The following HS3ST5 variants were observed in gnomAD, a reference collection of about 807,000 sequenced individuals.
HS3ST5 encodes heparan sulfate glucosamine 3-O-sulfotransferase 5.
HS3ST5 carries 10 observed loss-of-function variants against 25.4 expected under a neutral mutation model. The observed-to-expected ratio is 0.39, with a 90% CI of 0.24 to 0.67. HS3ST5 has a LOEUF of 0.67. HS3ST5 is among the 30% of genes least tolerant of loss of function. HS3ST5 has a pLI of 0.44. For missense variants in HS3ST5, 324 were observed against 420.7 expected (o/e 0.77, Z 2.01); for synonymous variants, 170 against 162.4 (o/e 1.05, Z -0.36).
At chr6:114,072,296 GA>G (rs145044165) in intron 3 of HS3ST5, among the ~76,000 whole-genome samples, 19,063 of 149,030 alleles carry the variant, frequency 0.13, 1,259 homozygotes, top group Middle Eastern at 0.21. Context: ...TTTTAAGAAA[GA>G]AAAAAAAAAT....
intron 1 of HS3ST5, among the ~76,000 whole-genome samples, chr6:114,256,261 G>A (rs539372208): frequency 3.9e-5 from 6 of 151,946 alleles, no homozygotes; most frequent in Non-Finnish European, 7.4e-5. Context: ...GGTGGTGGGC[G>A]CCTGTAGTCC....
At chr6:114,192,347 C>T (rs1780543045) in intron 2 of HS3ST5, among the ~76,000 whole-genome samples, 1 of 152,096 alleles carries the variant, frequency 6.6e-6, no homozygotes, top group Non-Finnish European at 1.5e-5. Flanking sequence ...ATATAGATAC[C>T]TATCATCCCA....
At chr6:114,166,115 G>C (rs1779198781) in intron 3 of HS3ST5, among the ~76,000 whole-genome samples, 1 of 152,032 alleles carries the variant, frequency 6.6e-6, no homozygotes, top group Non-Finnish European at 1.5e-5. Context: ...CCCTACTCTT[G>C]GTCATCTTTC....
intron 1 of HS3ST5, among the ~76,000 whole-genome samples, chr6:114,321,053 C>T (rs898616550): frequency 1.3e-5 from 2 of 151,796 alleles, no homozygotes; most frequent in Non-Finnish European, 2.9e-5. Context: ...CATGAACAGG[C>T]ATATTTCTGG....
chr6:114,112,853 C>A lies in HS3ST5; in HGVS notation c.-32-49976G>T, dbSNP rs144627714. Reference sequence around the variant, plus strand: ...AATAATTGGAAAATACCACATGTTCCTGCCATTTTCCTAATGTTTCTATTG... The same window carrying A: ...AATAATTGGAAAATACCACATGTTCATGCCATTTTCCTAATGTTTCTATTG... On this transcript the variant is annotated intron_variant, in intron 3 of 4. Coordinates refer to ENST00000312719, the MANE Select transcript of HS3ST5 (RefSeq NM_153612.4). Among the ~76,000 whole-genome samples, 309 of 152,246 alleles carry A rather than the reference C, an allele frequency of 2.0e-3. 2 individuals carry two copies. The highest frequency in any genetic ancestry group is 7.2e-3 in the African/African-American group (299 of 41,530).
At chr6:114,318,392 C>A (rs997284164) in intron 1 of HS3ST5, among the ~76,000 whole-genome samples, 4 of 151,874 alleles carry the variant, frequency 2.6e-5, no homozygotes, top group Admixed American at 6.6e-5. Context: ...CTATTTTTTT[C>A]TCCTCCTCTC....
At chr6:114,133,980 G>A (rs1777471871) in intron 3 of HS3ST5, among the ~76,000 whole-genome samples, 1 of 152,116 alleles carries the variant, frequency 6.6e-6, no homozygotes. Context: ...ATGAGAGAGA[G>A]AGAGAGACAG....
intron 2 of HS3ST5, among the ~76,000 whole-genome samples, chr6:114,198,415 G>A (rs1237038153): frequency 3.3e-5 from 5 of 152,072 alleles, no homozygotes; most frequent in African/African-American, 1.2e-4. Flanking sequence ...GGTCAACATA[G>A]AAATACAAGA....
intron 1 of HS3ST5, among the ~76,000 whole-genome samples, chr6:114,239,350 C>G (rs1771998001): frequency 6.6e-6 from 1 of 152,182 alleles, no homozygotes; most frequent in South Asian, 2.1e-4. Context: ...ATCCATCACC[C>G]TGATATGAGC....
chr6:114,183,614 T>C (rs114296447), intron 2 of HS3ST5, among the ~76,000 whole-genome samples: 143 of 152,258 alleles, frequency 9.4e-4, no homozygotes, highest in African/African-American at 3.4e-3. Context: ...TGAAGTGCTA[T>C]TGTAACAAAC....
chr6:114,216,977 A>G lies in HS3ST5; in HGVS notation c.-145+11608T>C, dbSNP rs141381978. On this transcript the variant is annotated intron_variant, in intron 2 of 4. Coordinates refer to ENST00000312719, the MANE Select transcript of HS3ST5 (RefSeq NM_153612.4). ...TTTTCATAAAGCTCTTCTCATGATTATGAGCTGACGGACAGCTGTCCAGTG... is the reference window on the plus strand; with the variant it reads ...TTTTCATAAAGCTCTTCTCATGATTGTGAGCTGACGGACAGCTGTCCAGTG... 1.8e-4 allele frequency among the ~76,000 whole-genome samples: 28 copies of G among 152,288 alleles called. No individual in the cohort carries two copies. In the East Asian group the frequency reaches 4.0e-3, roughly 22 times the overall value.
intron 1 of HS3ST5, among the ~76,000 whole-genome samples, chr6:114,327,236 G>T (rs1252667266): frequency 6.6e-6 from 1 of 152,150 alleles, no homozygotes; most frequent in African/African-American, 2.4e-5. Flanking sequence ...ATAGTGATAA[G>T]TATTAAACTA....
At chr6:114,323,647 C>T (rs994117998) in intron 1 of HS3ST5, among the ~76,000 whole-genome samples, 5 of 152,052 alleles carry the variant, frequency 3.3e-5, no homozygotes, top group Non-Finnish European at 5.9e-5. Flanking sequence ...ACATATAATG[C>T]ATGTTACGGG....
In HS3ST5 at chr6:114,248,878, A is replaced by G. The variant is rs529151340; in HGVS notation, c.-338-20100T>C. 3.9e-5 allele frequency among the ~76,000 whole-genome samples: 6 copies of G among 152,368 alleles called. No homozygotes were observed. The East Asian group carries it at 1.2e-3, about 29-fold the overall frequency. ...GTTAACACAGCAGTGAGCAAAAGCA[A>G]GGATTGCCTATAGTATCATATTATT... is the stretch of plus-strand genomic sequence containing the variant. On this transcript the variant is annotated intron_variant, in intron 1 of 4. Transcript: ENST00000312719.
At chr6:114,214,524 A>G (rs77850704) in intron 2 of HS3ST5, among the ~76,000 whole-genome samples, 6,086 of 152,296 alleles carry the variant, frequency 0.04, 334 homozygotes, top group African/African-American at 0.13. Flanking sequence ...TAAGATTTGT[A>G]ACTGAGACAC....
intron 1 of HS3ST5, among the ~76,000 whole-genome samples, chr6:114,240,318 A>G (rs1442383324): frequency 6.6e-6 from 1 of 152,078 alleles, no homozygotes. Context: ...TTCATAAAGC[A>G]CTGGTTTGGC....
chr6:114,141,679 T>G (rs940938362), intron 3 of HS3ST5, among the ~76,000 whole-genome samples: 2 of 152,138 alleles, frequency 1.3e-5, no homozygotes, highest in Non-Finnish European at 2.9e-5. Flanking sequence ...CAATACCAAA[T>G]GCATGAAACT....
intron 1 of HS3ST5, among the ~76,000 whole-genome samples, chr6:114,276,162 C>G (rs1166752960): frequency 6.6e-6 from 1 of 151,150 alleles, no homozygotes; most frequent in African/African-American, 2.4e-5. Flanking sequence ...ATTGGAAACC[C>G]TTTACTATGC....
intron 2 of HS3ST5, among the ~76,000 whole-genome samples, chr6:114,205,856 A>T (rs1227311890): frequency 6.6e-6 from 1 of 152,076 alleles, no homozygotes; most frequent in Non-Finnish European, 1.5e-5. Context: ...ATAAGAATCT[A>T]ATGCTGCCAC....
Sources: allele counts gnomAD v4.1 joint callset (sites outside exome capture counted in the v4.1 genomes callset), GRCh38; gene constraint gnomAD v4.1.1; transcripts MANE v1.5; gene names NCBI Gene and HGNC (gene_info 2026-07-23, HGNC 2026-07-21).